LGR5: variants seen among roughly 807,000 people sequenced by gnomAD.
LGR5 encodes the protein leucine-rich repeat-containing G protein-coupled receptor 5.
A neutral mutation model predicts 76.7 loss-of-function variants in LGR5; 54 were observed. That is an observed-to-expected ratio of 0.70 (90% CI 0.57 to 0.88). The LOEUF is 0.88. Ranked by LOEUF, LGR5 falls within the 40% of genes least tolerant of loss-of-function variation. LGR5 has a pLI of 0.00. For synonymous variants in LGR5, 406 were observed against 421.9 expected (o/e 0.96, Z 0.46); for missense variants, 1,078 against 1,073.3 (o/e 1.00, Z -0.06).
chr12:71,482,246 G>A (rs368093042), intron 1 of LGR5, among the ~76,000 whole-genome samples: 1 of 152,164 alleles, frequency 6.6e-6, no homozygotes, highest in Non-Finnish European at 1.5e-5. Flanking sequence ...GTATTAGTTT[G>A]CTGGGACTGC....
intron 4 of LGR5, among the ~76,000 whole-genome samples, chr12:71,547,594 CAT>C (rs1266146922): frequency 2.6e-5 from 4 of 152,204 alleles, no homozygotes; most frequent in African/African-American, 4.8e-5. Context: ...AATTCTGTGA[CAT>C]GTGATTCTGC....
Position 71,514,313 on chromosome 12 carries a change from A to T in LGR5, c.284+9628A>T, listed in dbSNP as rs1875320317. Among the ~76,000 whole-genome samples the T allele has an allele frequency of 2.0e-5, 3 of 152,054 alleles. No homozygotes were observed. The South Asian group carries it at 6.2e-4, about 32-fold the overall frequency. ...GCAGGGCACGGTGGCTCACGCCTGT[A>T]ATCCCAGCACTTTGGGAGGCCGAGG... On this transcript the variant is annotated intron_variant, in intron 2 of 17. Coordinates refer to ENST00000266674, the MANE Select transcript of LGR5 (RefSeq NM_003667.4).
intron 2 of LGR5, among the ~76,000 whole-genome samples, chr12:71,510,220 T>C (rs1216717918): frequency 6.6e-6 from 1 of 152,248 alleles, no homozygotes; most frequent in Non-Finnish European, 1.5e-5. Flanking sequence ...TTCATAGATC[T>C]GCCCATTGAT....
intron 1 of LGR5, among the ~76,000 whole-genome samples, chr12:71,453,451 CT>C (rs1872330937): frequency 6.7e-6 from 1 of 148,626 alleles, no homozygotes; most frequent in African/African-American, 2.5e-5. Flanking sequence ...GTTTGAATTG[CT>C]TTTATCCTTT....
upstream of LGR5, chr12:71,439,761 GAGCGCTTTA>G (rs1871660321): frequency 3.1e-6 from 1 of 320,600 alleles, no homozygotes; most frequent in Admixed American, 5.3e-5. Flanking sequence ...ATTCGGGCTG[GAGCGCTTTA>G]AAAAACGAGC....
intron 2 of LGR5, among the ~76,000 whole-genome samples, chr12:71,515,652 A>G (rs1391226369): frequency 1.3e-5 from 2 of 152,210 alleles, no homozygotes; most frequent in African/African-American, 2.4e-5. Context: ...TATTACCATT[A>G]AGCCTGATAG....
intron 1 of LGR5, among the ~76,000 whole-genome samples, chr12:71,453,156 G>A (rs1378441626): frequency 6.6e-6 from 1 of 152,200 alleles, no homozygotes; most frequent in Non-Finnish European, 1.5e-5. Context: ...GGAGAAAGAA[G>A]GGGCATCTTC....
chr12:71,487,699 G>T (rs1305242106), intron 1 of LGR5, among the ~76,000 whole-genome samples: 5 of 152,116 alleles, frequency 3.3e-5, no homozygotes. Context: ...ACCACACCTG[G>T]CTGAATTTTC....
intron 11 of LGR5, among the ~76,000 whole-genome samples, chr12:71,571,085 C>G (rs1878590528): frequency 6.6e-6 from 1 of 152,054 alleles, no homozygotes; most frequent in Non-Finnish European, 1.5e-5. Context: ...TTTCAAAGCT[C>G]CTGCTATGTT....
chr12:71,505,886 C>A (rs185145688), intron 2 of LGR5, among the ~76,000 whole-genome samples: 1 of 152,100 alleles, frequency 6.6e-6, no homozygotes, highest in Non-Finnish European at 1.5e-5. Context: ...AGGTCCCAGG[C>A]CTTTTTTTTC....
intron 2 of LGR5, among the ~76,000 whole-genome samples, chr12:71,518,826 T>C (rs1026486132): frequency 1.3e-5 from 2 of 151,952 alleles, no homozygotes; most frequent in African/African-American, 4.8e-5. Context: ...CAACACACAC[T>C]GGGGCCTATC....
intron 1 of LGR5, among the ~76,000 whole-genome samples, chr12:71,481,987 C>T (rs981969203): frequency 6.6e-6 from 1 of 151,992 alleles, no homozygotes; most frequent in African/African-American, 2.4e-5. Flanking sequence ...TTTATTTTTT[C>T]TTTTCATTGT....
At chr12:71,454,852 A>G (rs955992642) in intron 1 of LGR5, among the ~76,000 whole-genome samples, 1 of 151,976 alleles carries the variant, frequency 6.6e-6, no homozygotes, top group East Asian at 1.9e-4. Context: ...GAAAAAAAAA[A>G]CACTCATTGT....
intron 15 of LGR5, 136 bp from the exon 16 acceptor site, chr12:71,580,142 T>C: frequency 1.4e-6 from 1 of 691,520 alleles, no homozygotes; most frequent in Non-Finnish European, 2.4e-6. Context: ...AACACCTTTA[T>C]GTGCATAACT....
intron 1 of LGR5, among the ~76,000 whole-genome samples, chr12:71,456,685 A>C (rs111699223): frequency 0.014 from 2,089 of 151,248 alleles, 19 homozygotes; most frequent in Middle Eastern, 0.031. Flanking sequence ...AAAGAAAATA[A>C]AACCTAGCTT....
intron 4 of LGR5, among the ~76,000 whole-genome samples, chr12:71,542,223 A>G (rs1034677330): frequency 3.3e-5 from 5 of 152,190 alleles, no homozygotes; most frequent in African/African-American, 1.2e-4. Flanking sequence ...AAAAGTAAGG[A>G]TTGATTAGAC....
chr12:71,578,255 TC>T lies in LGR5; in HGVS notation c.1280+260del, dbSNP rs1943755288. On this transcript the variant is annotated intron_variant, in intron 14 of 17. Transcript: ENST00000266674. Reference sequence around the variant, plus strand: ...GAAGTTTTTTATTTGTGCTTTGTAATCAGGTGGAATGGAATAAGATGTCAAT... The same window carrying T: ...GAAGTTTTTTATTTGTGCTTTGTAATAGGTGGAATGGAATAAGATGTCAAT... 2.6e-5 allele frequency among the ~76,000 whole-genome samples: 4 copies of T among 152,334 alleles called. No homozygotes were observed. The South Asian group carries it at 8.3e-4, about 32-fold the overall frequency.
chr12:71,503,079 A>T (rs915538631), intron 1 of LGR5, among the ~76,000 whole-genome samples: 2 of 152,232 alleles, frequency 1.3e-5, no homozygotes, highest in Non-Finnish European at 2.9e-5. Flanking sequence ...AAATTTTAAA[A>T]AGTGAATATT....
At chr12:71,491,143 C>G (rs1220224770) in intron 1 of LGR5, among the ~76,000 whole-genome samples, 1 of 151,602 alleles carries the variant, frequency 6.6e-6, no homozygotes, top group Non-Finnish European at 1.5e-5. Context: ...GATTATGAGG[C>G]CTCCCCAGCC....
Sources: gnomAD v4.1 joint callset for allele counts (sites outside exome capture counted in the v4.1 genomes callset) on GRCh38, gnomAD v4.1.1 for gene constraint, MANE v1.5 for transcripts, NCBI Gene and HGNC (gene_info 2026-07-23, HGNC 2026-07-21) for gene names.